SPATA13: variants seen among roughly 807,000 people sequenced by gnomAD.
SPATA13 encodes spermatogenesis associated 13.
A neutral mutation model predicts 104.0 loss-of-function variants in SPATA13; 50 were observed. That is an observed-to-expected ratio of 0.48 (90% CI 0.38 to 0.61). SPATA13 has a LOEUF of 0.61. Among genes scored for constraint, SPATA13 ranks in the 20% least tolerant of loss-of-function variants. The pLI, the probability that SPATA13 is intolerant of heterozygous loss-of-function variation, is 0.00. For missense variants in SPATA13, 1,524 were observed against 1,690.6 expected, an observed-to-expected ratio of 0.90 and a Z score of 1.73; for synonymous variants, 606 against 667.5, an observed-to-expected ratio of 0.91 and a Z score of 1.42.
At chr13:24,152,302 A>T (rs1478579239) in intron 3 of SPATA13, among the ~76,000 whole-genome samples, 1 of 152,140 alleles carries the variant, frequency 6.6e-6, no homozygotes, top group Non-Finnish European at 1.5e-5. Flanking sequence ...CCTCCCATTC[A>T]TGAGGGTGGA....
At chr13:24,300,017 G>A (rs553867229) in intron 11 of SPATA13, among the ~76,000 whole-genome samples, 26 of 152,282 alleles carry the variant, frequency 1.7e-4, no homozygotes, top group Non-Finnish European at 2.5e-4. Flanking sequence ...CTCTCATAGC[G>A]TATGGGTGAA....
intron 3 of SPATA13, among the ~76,000 whole-genome samples, chr13:24,052,372 G>T (rs1333358352): frequency 7.7e-6 from 1 of 130,102 alleles, no homozygotes; most frequent in Non-Finnish European, 1.8e-5. Context: ...AGATCCCATC[G>T]CTACAAACAA....
intron 2 of SPATA13, among the ~76,000 whole-genome samples, chr13:24,249,026 C>T (rs941466944): frequency 2.6e-5 from 4 of 152,130 alleles, no homozygotes; most frequent in East Asian, 1.9e-4. Flanking sequence ...CGCGCCACCG[C>T]GCCCCGCTAA....
At chr13:24,082,495 C>G (rs1289823767) in intron 3 of SPATA13, among the ~76,000 whole-genome samples, 2 of 152,158 alleles carry the variant, frequency 1.3e-5, no homozygotes, top group South Asian at 4.1e-4. Context: ...GAAGCTGTGG[C>G]CTTTTCTATA....
At chr13:24,206,939 A>C (rs901704044) in intron 1 of SPATA13, among the ~76,000 whole-genome samples, 5 of 152,096 alleles carry the variant, frequency 3.3e-5, no homozygotes, top group Non-Finnish European at 7.3e-5. Context: ...TTGCAGCACT[A>C]TTCACAATAG....
In SPATA13 at chr13:24,114,953, C is replaced by A. The variant is rs117484249; in HGVS notation, c.-112+97252C>A. 3.0e-3 allele frequency among the ~76,000 whole-genome samples: 463 copies of A among 152,196 alleles called. 2 individuals are homozygous for A. Among genetic ancestry groups the A allele is most frequent in the Non-Finnish European group, 5.3e-3 (359 of 68,032 alleles). ...CCGGGATTACAGGCATGAGCCACTA[C>A]ACCCAGCCCCTTGGCTTTGTTTTGA... On this transcript the variant is annotated intron_variant, in intron 3 of 14. Transcript: ENST00000424834.
At chr13:24,185,933 G>A (rs1869123405) in intron 1 of SPATA13, among the ~76,000 whole-genome samples, 1 of 152,090 alleles carries the variant, frequency 6.6e-6, no homozygotes, top group Admixed American at 6.5e-5. Flanking sequence ...GATGTTTTAG[G>A]CTTGAATCTT....
At chr13:24,246,722 G>A (rs1294353033) in intron 2 of SPATA13, among the ~76,000 whole-genome samples, 1 of 152,154 alleles carries the variant, frequency 6.6e-6, no homozygotes, top group Admixed American at 6.5e-5. Context: ...AATTAGCTGG[G>A]CGTGGTGGTA....
chr13:24,075,642 C>T (rs9318302), intron 3 of SPATA13, among the ~76,000 whole-genome samples: 49,724 of 152,084 alleles, frequency 0.33, 9,795 homozygotes, highest in East Asian at 0.5. Flanking sequence ...TTGCTTATCC[C>T]GCTTTTTAAA....
At chr13:24,007,360 G>A (rs923095738) in intron 2 of SPATA13, among the ~76,000 whole-genome samples, 15 of 152,214 alleles carry the variant, frequency 9.9e-5, no homozygotes, top group Admixed American at 9.2e-4. Context: ...TCATGTCTGT[G>A]GTCAGTAGCT....
intron 3 of SPATA13, among the ~76,000 whole-genome samples, chr13:24,026,983 G>C (rs992101897): frequency 6.6e-6 from 1 of 151,968 alleles, no homozygotes; most frequent in African/African-American, 2.4e-5. Flanking sequence ...TTCTTTATAA[G>C]TCAATTTTCT....
intron 3 of SPATA13, among the ~76,000 whole-genome samples, chr13:24,036,556 C>A (rs1220959882): frequency 6.6e-6 from 1 of 152,078 alleles, no homozygotes; most frequent in African/African-American, 2.4e-5. Flanking sequence ...TTTTAGCTCC[C>A]CTGCCACCTG....
At chr13:24,176,537 C>G (rs2138515631) in intron 1 of SPATA13, among the ~76,000 whole-genome samples, 1 of 152,160 alleles carries the variant, frequency 6.6e-6, no homozygotes, top group Admixed American at 6.6e-5. Flanking sequence ...TCCCAGCAAA[C>G]TAGATCCTTT....
At chr13:23,998,450 T>C (rs1830447844) in intron 2 of SPATA13, among the ~76,000 whole-genome samples, 1 of 152,254 alleles carries the variant, frequency 6.6e-6, no homozygotes. Flanking sequence ...GAGAGTGTTT[T>C]ATAAACATGC....
At chr13:23,997,254 T>C (rs542039286) in intron 2 of SPATA13, among the ~76,000 whole-genome samples, 11 of 152,350 alleles carry the variant, frequency 7.2e-5, no homozygotes, top group African/African-American at 2.4e-4. Flanking sequence ...AAGTGTACAC[T>C]GTGGTACATA....
chr13:24,271,837 TC>T (rs1448107317), intron 4 of SPATA13, among the ~76,000 whole-genome samples: 1 of 152,210 alleles, frequency 6.6e-6, no homozygotes, highest in Non-Finnish European at 1.5e-5. Flanking sequence ...GTCTGTGCTT[TC>T]TTCCTTGTTT....
At chr13:24,091,907 GC>G (rs1170333557) in intron 3 of SPATA13, among the ~76,000 whole-genome samples, 3 of 152,176 alleles carry the variant, frequency 2.0e-5, no homozygotes, top group Non-Finnish European at 4.4e-5. Context: ...TCTCATGGCT[GC>G]TAGGCTGCTG....
At position 24,286,234 on chromosome 13, in the gene SPATA13, G is replaced by GGTCT; in HGVS notation, c.2324_2327dup (p.Ala777LeufsTer13). ...TTCAGCTGATCAGTGATGGCAACGTGGTCTGCGCAGAAGCCCTGTGGGACC... is the reference window on the plus strand; with the variant it reads ...TTCAGCTGATCAGTGATGGCAACGTGGTCTGTCTGCGCAGAAGCCCTGTGGGACC... On this transcript the variant is annotated frameshift_variant, in exon 6 of 13. Coordinates refer to ENST00000382108, the MANE Select transcript of SPATA13 (RefSeq NM_001166271.3). LOFTEE classifies it high-confidence loss of function. The surrounding 1 kb of genome is among the most constrained non-coding windows in gnomAD (Gnocchi z 4.9). 6.2e-7 allele frequency: 1 copy of GGTCT among 1,613,316 alleles called. No homozygotes were observed.
intron 3 of SPATA13, among the ~76,000 whole-genome samples, chr13:24,023,862 G>A (rs1440287579): frequency 6.6e-6 from 1 of 152,208 alleles, no homozygotes; most frequent in Non-Finnish European, 1.5e-5. Flanking sequence ...CTTCCACCCT[G>A]CAGCAGTGTG....
Sources: gnomAD v4.1 joint callset for allele counts (sites outside exome capture counted in the v4.1 genomes callset) on GRCh38, gnomAD v4.1.1 for gene constraint, Gnocchi (gnomAD v3.1) non-coding constraint, MANE v1.5 for transcripts, NCBI Gene and HGNC (gene_info 2026-07-23, HGNC 2026-07-21) for gene names.